Variants in MAF observed in about 807,000 individuals in gnomAD.
MAF encodes the protein transcription factor Maf.
MAF carries 10 observed loss-of-function variants against 22.0 expected under a neutral mutation model. The observed-to-expected ratio is 0.45, with a 90% confidence interval of 0.28 to 0.77. The LOEUF (loss-of-function observed/expected upper bound fraction) is 0.77, where lower values mean the gene tolerates loss of function less well. MAF is among the 30% of genes least tolerant of loss of function. MAF has a pLI of 0.12. For missense variants in MAF, 544 were observed against 548.4 expected, an observed-to-expected ratio of 0.99 and a Z score of 0.08; for synonymous variants, 337 against 255.8, an observed-to-expected ratio of 1.32 and a Z score of -3.03.
chr16:79,238,994 C>T, the MAF span, among the ~76,000 whole-genome samples: 1 of 152,078 alleles, frequency 6.6e-6, no homozygotes, highest in South Asian at 2.1e-4. Flanking sequence ...TCTTGTTGTC[C>T]TCACCGTGCT....
the MAF span, among the ~76,000 whole-genome samples, chr16:79,228,869 A>G: frequency 6.6e-6 from 1 of 151,908 alleles, no homozygotes; most frequent in African/African-American, 2.4e-5. Flanking sequence ...GATCATGTAC[A>G]TAGACTACAG....
At chr16:79,228,917 A>T in the MAF span, among the ~76,000 whole-genome samples, 1 of 151,926 alleles carries the variant, frequency 6.6e-6, no homozygotes, top group East Asian at 1.9e-4. Flanking sequence ...CAGCAACATC[A>T]GCCTGCACCA....
the MAF span, among the ~76,000 whole-genome samples, chr16:79,387,623 G>A: frequency 6.6e-6 from 1 of 152,138 alleles, no homozygotes; most frequent in Admixed American, 6.5e-5. Context: ...ATGTAATAAT[G>A]GGTACTTATT....
intron 1 of MAF, chr16:79,597,134 C>T: frequency 9.5e-7 from 1 of 1,057,354 alleles, no homozygotes; most frequent in East Asian, 5.3e-5. Context: ...TTAAACAGTC[C>T]CCTTGCAAAC....
At chr16:79,464,468 A>G in the MAF span, among the ~76,000 whole-genome samples, 1 of 152,202 alleles carries the variant, frequency 6.6e-6, no homozygotes, top group African/African-American at 2.4e-5. Context: ...CTTTTTCAAC[A>G]CAAGTCAACA....
chr16:79,315,437 A>G, the MAF span, among the ~76,000 whole-genome samples: 1 of 152,202 alleles, frequency 6.6e-6, no homozygotes, highest in Admixed American at 6.5e-5. Context: ...TTTATTATAG[A>G]TATATTTATA....
chr16:79,233,598 A>G, the MAF span, among the ~76,000 whole-genome samples: 1 of 152,140 alleles, frequency 6.6e-6, no homozygotes, highest in African/African-American at 2.4e-5. Context: ...CAGAGATCAC[A>G]GGAACCAGCT....
At chr16:79,474,201 C>G in the MAF span, among the ~76,000 whole-genome samples, 1 of 152,196 alleles carries the variant, frequency 6.6e-6, no homozygotes, top group Non-Finnish European at 1.5e-5. Flanking sequence ...CTACCCCCTC[C>G]TCCAAATCTC....
the MAF span, among the ~76,000 whole-genome samples, chr16:79,565,312 C>A: frequency 3.3e-5 from 5 of 152,178 alleles, no homozygotes; most frequent in African/African-American, 1.2e-4. Context: ...CAGGGTTGAG[C>A]AGCTGCAGCA....
At chr16:79,231,068 G>A in the MAF span, among the ~76,000 whole-genome samples, 3 of 152,006 alleles carry the variant, frequency 2.0e-5, no homozygotes, top group African/African-American at 7.2e-5. Flanking sequence ...TTTCTGTATA[G>A]TCTTATTAGT....
At chr16:79,316,453 G>A in the MAF span, among the ~76,000 whole-genome samples, 4 of 152,276 alleles carry the variant, frequency 2.6e-5, no homozygotes, top group Non-Finnish European at 4.4e-5. Context: ...GCCAACATTT[G>A]CATCATGTGT....
chr16:79,237,033 G>A, the MAF span, among the ~76,000 whole-genome samples: 19 of 151,844 alleles, frequency 1.3e-4, no homozygotes, highest in Admixed American at 6.6e-4. Context: ...CCCAATAGCT[G>A]CATATACTTG....
At chr16:79,523,065 C>A in the MAF span, among the ~76,000 whole-genome samples, 2 of 152,288 alleles carry the variant, frequency 1.3e-5, no homozygotes, top group African/African-American at 2.4e-5. Flanking sequence ...AAATTTTACC[C>A]TCTAGGTATT....
the MAF span, among the ~76,000 whole-genome samples, chr16:79,579,550 G>C: frequency 6.6e-6 from 1 of 151,820 alleles, no homozygotes; most frequent in Non-Finnish European, 1.5e-5. Flanking sequence ...ATTGCAGCTT[G>C]CAATACCAAA....
chr16:79,224,067 T>A, the MAF span, among the ~76,000 whole-genome samples: 1 of 152,136 alleles, frequency 6.6e-6, no homozygotes, highest in South Asian at 2.1e-4. Context: ...AAAAAGAAAA[T>A]TTGAGGCCGA....
chr16:79,402,615 G>A, the MAF span, among the ~76,000 whole-genome samples: 3 of 152,240 alleles, frequency 2.0e-5, no homozygotes, highest in Non-Finnish European at 4.4e-5. Flanking sequence ...GCCAAGGTTA[G>A]CCAGCCCAGC....
the MAF span, among the ~76,000 whole-genome samples, chr16:79,285,766 G>C: frequency 6.6e-6 from 1 of 152,220 alleles, no homozygotes; most frequent in Admixed American, 6.5e-5. Context: ...CGTCCTGCAG[G>C]AAGGCGGGAG....
At chr16:79,231,620 T>A in the MAF span, among the ~76,000 whole-genome samples, 3 of 152,116 alleles carry the variant, frequency 2.0e-5, no homozygotes, top group East Asian at 5.8e-4. Context: ...GTTCTTATGT[T>A]GCAAAAAGAA....
chr16:79,467,352 G>A, the MAF span, among the ~76,000 whole-genome samples: 1 of 152,192 alleles, frequency 6.6e-6, no homozygotes, highest in East Asian at 1.9e-4. Flanking sequence ...CTGCAAGGGG[G>A]CAGGCACGCA....
Sources: gnomAD v4.1 joint callset for allele counts (sites outside exome capture counted in the v4.1 genomes callset) on GRCh38, gnomAD v4.1.1 for gene constraint, MANE v1.5 for transcripts, NCBI Gene and HGNC (gene_info 2026-07-23, HGNC 2026-07-21) for gene names.